MBTD1: variants seen among roughly 807,000 people sequenced by gnomAD.
MBTD1 encodes the protein MBT domain-containing protein 1.
In MBTD1, 24 loss-of-function variants were observed where a neutral mutation model predicts 87.8. The ratio of observed to expected loss-of-function variants is 0.27; its 90% CI spans 0.20 to 0.38. MBTD1 has a LOEUF of 0.38. Among genes scored for constraint, MBTD1 ranks in the 10% least tolerant of loss-of-function variants. The pLI is 1.00. For missense variants in MBTD1, 436 were observed against 760.2 expected, an observed-to-expected ratio of 0.57 and a Z score of 5.02; for synonymous variants, 237 against 248.6, an observed-to-expected ratio of 0.95 and a Z score of 0.44.
rs200712340 is a variant in MBTD1, at chr17:51,179,481, ATTT to A, written c.*1092_*1094del. Reference sequence around the variant, plus strand: ...TAAATCCTGAATACAATTAAAGACAATTTTATATATATATATATATATATATAT... The same window carrying A: ...TAAATCCTGAATACAATTAAAGACAATATATATATATATATATATATATAT... On this transcript the variant is annotated 3_prime_UTR_variant, in exon 17 of 17. Coordinates refer to ENST00000586178, the MANE Select transcript of MBTD1 (RefSeq NM_017643.3). 1.3e-3 allele frequency: 64 copies of A among 49,286 alleles called. 1 individual carries two copies. The highest frequency in any genetic ancestry group is 3.6e-3 in the African/African-American group (50 of 13,802). The allele number at this position is 49,286 out of a possible 1,614,324, so 3.1% of individuals were successfully genotyped here.
chr17:51,188,885 G>A (rs7213683), intron 16 of MBTD1, among the ~76,000 whole-genome samples: 58,402 of 150,036 alleles, frequency 0.39, 11,736 homozygotes, highest in Non-Finnish European at 0.44. Context: ...TCAGCCTCCC[G>A]AGTGCTGGGA....
At chr17:51,210,645 A>G (rs1272789978) in intron 6 of MBTD1, among the ~76,000 whole-genome samples, 1 of 151,956 alleles carries the variant, frequency 6.6e-6, no homozygotes, top group African/African-American at 2.4e-5. Flanking sequence ...AGTTCTAGCT[A>G]CTTGGGAGGC....
chr17:51,201,992 C>A lies in MBTD1; in HGVS notation c.1119+30G>T, dbSNP rs1467553740. The A allele has an allele frequency of 2.0e-6, 3 of 1,489,578 alleles. No individual in the cohort carries two copies. In the East Asian group the frequency reaches 6.8e-5, roughly 34 times the overall value. 92.3% of individuals were successfully genotyped at this position (1,489,578 alleles called of 1,614,324 possible). On this transcript the variant is annotated intron_variant, in intron 11 of 16. Coordinates refer to ENST00000586178, the MANE Select transcript of MBTD1 (RefSeq NM_017643.3). ...ACAACCCTCTTTCAAACCTAATTTACAAATGAGGGTTCTTATAAAAACTTC... is the reference window on the plus strand; with the variant it reads ...ACAACCCTCTTTCAAACCTAATTTAAAAATGAGGGTTCTTATAAAAACTTC...
chr17:51,252,679 A>G (rs1034969145), intron 2 of MBTD1, among the ~76,000 whole-genome samples: 1 of 151,944 alleles, frequency 6.6e-6, no homozygotes, highest in African/African-American at 2.4e-5. Flanking sequence ...GGTTGCAGAG[A>G]GCCAAGATTG....
In MBTD1 at chr17:51,180,502, CT is replaced by C; in HGVS notation, c.*73del. On this transcript the variant is annotated 3_prime_UTR_variant, in exon 17 of 17. Transcript: ENST00000586178. ...CAAAATGTCCCAGTAGAGTAGCCCC[CT>C]GTACAGCTGGATTGATTATAAATCA... is the stretch of plus-strand genomic sequence containing the variant. The C allele has an allele frequency of 1.4e-6, 1 of 720,138 alleles. No individual in the cohort carries two copies. Among genetic ancestry groups the C allele is most frequent in the Non-Finnish European group, 2.3e-6 (1 of 435,760 alleles). 44.6% of individuals were successfully genotyped at this position (720,138 alleles called of 1,614,324 possible).
At chr17:51,217,445 T>C in intron 5 of MBTD1, 29 bp from the exon 6 acceptor site, 1 of 1,077,094 alleles carries the variant, frequency 9.3e-7, no homozygotes, top group Non-Finnish European at 1.3e-6. Flanking sequence ...AGATGTATTA[T>C]AATTCTCAAA....
chr17:51,251,274 T>G (rs2054764275), intron 2 of MBTD1: 1 of 152,222 alleles, frequency 6.6e-6, no homozygotes, highest in African/African-American at 2.4e-5. Flanking sequence ...AAGAACACCC[T>G]CTTCTCTAAG....
At chr17:51,233,091 GGAGA>G (rs142757244) in intron 2 of MBTD1, among the ~76,000 whole-genome samples, 7 of 143,816 alleles carry the variant, frequency 4.9e-5, no homozygotes, top group African/African-American at 1.5e-4. Flanking sequence ...AAAAAGTGAG[GGAGA>G]GAGAGAGAAC....
At chr17:51,227,324 G>C (rs546396140) in intron 2 of MBTD1, among the ~76,000 whole-genome samples, 25 of 151,552 alleles carry the variant, frequency 1.6e-4, no homozygotes, top group Non-Finnish European at 2.8e-4. Context: ...ACTTTGAGAA[G>C]TCAAGGCTGG....
chr17:51,223,933 A>C (rs1032236418), intron 3 of MBTD1, among the ~76,000 whole-genome samples: 1 of 152,254 alleles, frequency 6.6e-6, no homozygotes, highest in African/African-American at 2.4e-5. Flanking sequence ...AGTTAACTGC[A>C]GTAAGACTGG....
chr17:51,214,403 T>C (rs2052449238), intron 6 of MBTD1, among the ~76,000 whole-genome samples: 1 of 152,324 alleles, frequency 6.6e-6, no homozygotes, highest in Admixed American at 6.5e-5. Flanking sequence ...AAAAAAGATA[T>C]AGTCCTATGA....
chr17:51,209,998 A>G (rs1043011609), intron 6 of MBTD1, among the ~76,000 whole-genome samples: 5 of 152,122 alleles, frequency 3.3e-5, no homozygotes, highest in African/African-American at 9.7e-5. Context: ...CCTTCTCCAT[A>G]AAGTCCACTC....
rs1042843382 is a variant in MBTD1, at chr17:51,258,011, A to C, written c.-49+1132T>G. ...TTATTCAGAGAAGGAGGTGGTGCAA[A>C]AAAAAAAAAAAAGTACAGCTATTTT... On this transcript the variant is annotated intron_variant, in intron 2 of 16. Transcript: ENST00000586178. 2.5e-3 allele frequency among the ~76,000 whole-genome samples: 298 copies of C among 121,054 alleles called. 2 individuals carry two copies. Among genetic ancestry groups the C allele is most frequent in the African/African-American group, 0.012 (291 of 24,394 alleles). 79.4% of individuals were successfully genotyped at this position (121,054 alleles called of 152,430 possible).
intron 16 of MBTD1, among the ~76,000 whole-genome samples, chr17:51,187,371 C>T (rs559330836): frequency 6.8e-6 from 1 of 147,490 alleles, no homozygotes; most frequent in African/African-American, 2.5e-5. Flanking sequence ...CACAGTGCTC[C>T]AGGCTGGGCA....
intron 6 of MBTD1, among the ~76,000 whole-genome samples, chr17:51,212,438 C>CT (rs59653419): frequency 0.13 from 17,722 of 136,170 alleles, 1,835 homozygotes; most frequent in African/African-American, 0.29. Context: ...GTACAAATGA[C>CT]TTTTTTTTTT....
intron 16 of MBTD1, among the ~76,000 whole-genome samples, chr17:51,181,890 G>T (rs2050328998): frequency 6.6e-6 from 1 of 152,194 alleles, no homozygotes; most frequent in Non-Finnish European, 1.5e-5. Context: ...TCCCCAAAGT[G>T]CTGGGATTAC....
chr17:51,194,973 T>C (rs1479790387), intron 13 of MBTD1, among the ~76,000 whole-genome samples: 1 of 152,170 alleles, frequency 6.6e-6, no homozygotes, highest in Non-Finnish European at 1.5e-5. Context: ...AGAATACCAA[T>C]TCATATTATA....
chr17:51,252,442 G>A lies in MBTD1; in HGVS notation c.-49+6701C>T, dbSNP rs992770479. On this transcript the variant is annotated intron_variant, in intron 2 of 16. Coordinates refer to ENST00000586178, the MANE Select transcript of MBTD1 (RefSeq NM_017643.3). ...ACATTTTGCTCTTCAAAATAAAACC[G>A]AGGCCAGGTGCAGTGGCTCACACCT... Among the ~76,000 whole-genome samples the A allele has an allele frequency of 2.0e-5, 3 of 152,106 alleles. No homozygotes were observed. In the East Asian group the frequency reaches 5.8e-4, roughly 29 times the overall value.
chr17:51,196,585 A>G (rs1345685270), intron 12 of MBTD1, among the ~76,000 whole-genome samples: 1 of 151,754 alleles, frequency 6.6e-6, no homozygotes, highest in South Asian at 2.1e-4. Flanking sequence ...ATGTTTCCCA[A>G]TTTCCACTAT....
Sources: allele counts gnomAD v4.1 joint callset (sites outside exome capture counted in the v4.1 genomes callset), GRCh38; gene constraint gnomAD v4.1.1; transcripts MANE v1.5; gene names NCBI Gene and HGNC (gene_info 2026-07-23, HGNC 2026-07-21).